IQCJ: variants seen among roughly 807,000 people sequenced by gnomAD.
The protein encoded by IQCJ is IQ motif containing J.
Under a neutral mutation model 11.0 loss-of-function variants are expected in IQCJ, and 9 were observed. The ratio of observed to expected loss-of-function variants is 0.82; its 90% confidence interval spans 0.49 to 1.43. IQCJ has a LOEUF of 1.43. Among genes scored for constraint, IQCJ ranks in the 40% most tolerant of loss-of-function variants. The pLI is 0.00. For synonymous variants in IQCJ, 55 were observed against 51.3 expected, an observed-to-expected ratio of 1.07 and a Z score of -0.31; for missense variants, 146 against 133.2, an observed-to-expected ratio of 1.10 and a Z score of -0.47.
At chr3:159,253,198 CTTCT>C (rs1727703759) in intron 3 of IQCJ, among the ~76,000 whole-genome samples, 3 of 151,834 alleles carry the variant, frequency 2.0e-5, no homozygotes, top group East Asian at 1.9e-4. Flanking sequence ...TAAAAATCCT[CTTCT>C]TTCTATTTCA....
chr3:159,180,797 T>C (rs1723050792), intron 1 of IQCJ, among the ~76,000 whole-genome samples: 1 of 152,028 alleles, frequency 6.6e-6, no homozygotes, highest in African/African-American at 2.4e-5. Context: ...CTATCTGATA[T>C]AGCCACATTA....
chr3:159,121,739 C>G (rs1445796035), intron 1 of IQCJ, among the ~76,000 whole-genome samples: 1 of 152,140 alleles, frequency 6.6e-6, no homozygotes, highest in African/African-American at 2.4e-5. Context: ...TGAGAGCTAG[C>G]ATTTAAAGCT....
chr3:159,262,567 G>C lies in IQCJ; in HGVS notation c.175G>C (p.Glu59Gln), dbSNP rs1728274669. Residue 59 changes from glutamate (E) to glutamine (Q), a missense_variant, in exon 4 of 4, where the codon GAG (glutamate) becomes CAG (glutamine). Glu to Gln is a conservative substitution (Grantham distance 29). Coordinates refer to ENST00000397832, the MANE Select transcript of IQCJ (RefSeq NM_001042706.3). ...KVKIIQRAWR[E>Q]YLQRQEPLGK... Reference sequence around the variant, plus strand: ...TTTCAGCATTCAGCGAGCATGGCGAGAGTACCTGCAGCGGCAGGAGCCCCT... The same window carrying C: ...TTTCAGCATTCAGCGAGCATGGCGACAGTACCTGCAGCGGCAGGAGCCCCT... 2 of 1,613,672 alleles carry C rather than the reference G, an allele frequency of 1.2e-6. No homozygotes were observed. The highest frequency in any genetic ancestry group is 1.7e-6 in the Non-Finnish European group (2 of 1,179,702).
chr3:159,117,319 G>A (rs919618376), intron 1 of IQCJ, among the ~76,000 whole-genome samples: 5 of 152,158 alleles, frequency 3.3e-5, no homozygotes, highest in African/African-American at 7.2e-5. Context: ...GCAACTACTA[G>A]TTGTGATGGT....
At chr3:159,234,463 T>A (rs948462237) in intron 1 of IQCJ, among the ~76,000 whole-genome samples, 3 of 152,136 alleles carry the variant, frequency 2.0e-5, no homozygotes, top group African/African-American at 7.2e-5. Flanking sequence ...TCCCGAAGAT[T>A]GTTTTTGTTT....
chr3:159,077,207 C>T (rs1715982700), intron 1 of IQCJ, among the ~76,000 whole-genome samples: 2 of 152,068 alleles, frequency 1.3e-5, no homozygotes. Flanking sequence ...TCATCTATAC[C>T]CATTGTTGGC....
intron 1 of IQCJ, among the ~76,000 whole-genome samples, chr3:159,201,750 T>G (rs918896389): frequency 6.8e-6 from 1 of 146,456 alleles, no homozygotes; most frequent in Admixed American, 7.0e-5. Context: ...TTCACCTGCC[T>G]CATTCACCTG....
At chr3:159,205,044 G>C (rs144242702) in intron 1 of IQCJ, among the ~76,000 whole-genome samples, 3 of 152,160 alleles carry the variant, frequency 2.0e-5, no homozygotes, top group South Asian at 4.1e-4. Context: ...CCAGCAGCAA[G>C]TAGTTCTGCA....
chr3:159,250,599 G>A (rs565578239), intron 2 of IQCJ, among the ~76,000 whole-genome samples: 2 of 152,310 alleles, frequency 1.3e-5, no homozygotes, highest in South Asian at 4.1e-4. Context: ...TCTTCACAGG[G>A]CAGCAGGAGA....
At chr3:159,210,804 G>A (rs1267157112) in intron 1 of IQCJ, among the ~76,000 whole-genome samples, 1 of 152,048 alleles carries the variant, frequency 6.6e-6, no homozygotes, top group Admixed American at 6.5e-5. Context: ...CTGAGTAGCT[G>A]GATTACAGGC....
chr3:159,112,127 ACAGCC>A (rs1718671226), intron 1 of IQCJ, among the ~76,000 whole-genome samples: 1 of 152,176 alleles, frequency 6.6e-6, no homozygotes, highest in African/African-American at 2.4e-5. Context: ...TGATATGAGG[ACAGCC>A]CTTGGGTCTT....
intron 1 of IQCJ, among the ~76,000 whole-genome samples, chr3:159,157,832 T>C (rs1214008784): frequency 2.0e-5 from 3 of 152,228 alleles, no homozygotes; most frequent in Admixed American, 2.0e-4. Flanking sequence ...TGCATGTTAT[T>C]TTCTCATATA....
chr3:159,257,636 C>T (rs1247624857), intron 3 of IQCJ, among the ~76,000 whole-genome samples: 1 of 152,024 alleles, frequency 6.6e-6, no homozygotes, highest in African/African-American at 2.4e-5. Context: ...ATGCAGTGGC[C>T]CCGTATTGAC....
At chr3:159,232,285 C>G (rs1276162751) in intron 1 of IQCJ, among the ~76,000 whole-genome samples, 1 of 152,056 alleles carries the variant, frequency 6.6e-6, no homozygotes, top group Non-Finnish European at 1.5e-5. Context: ...AAATTTCCCT[C>G]TTAACACTGC....
chr3:159,101,551 A>T (rs558952786), intron 1 of IQCJ, among the ~76,000 whole-genome samples: 43 of 152,352 alleles, frequency 2.8e-4, no homozygotes, highest in African/African-American at 9.6e-4. Context: ...GTGTTTCATT[A>T]TAACGGCAAC....
chr3:159,233,932 G>C (rs1726422732), intron 1 of IQCJ, among the ~76,000 whole-genome samples: 1 of 152,204 alleles, frequency 6.6e-6, no homozygotes, highest in Non-Finnish European at 1.5e-5. Flanking sequence ...TCTAAGATCA[G>C]ACAGTAATTA....
At chr3:159,102,040 T>C (rs1040319331) in intron 1 of IQCJ, among the ~76,000 whole-genome samples, 14 of 152,342 alleles carry the variant, frequency 9.2e-5, no homozygotes, top group Admixed American at 1.3e-4. Flanking sequence ...GCAGTCCTTG[T>C]ATTTTCTCTT....
intron 1 of IQCJ, among the ~76,000 whole-genome samples, chr3:159,135,387 A>AAT (rs1720229612): frequency 6.6e-6 from 1 of 152,166 alleles, no homozygotes; most frequent in African/African-American, 2.4e-5. Context: ...TCAAGTAAGA[A>AAT]ATACTGGACT....
chr3:159,082,262 A>G (rs1716364944), intron 1 of IQCJ, among the ~76,000 whole-genome samples: 2 of 152,110 alleles, frequency 1.3e-5, no homozygotes, highest in South Asian at 4.1e-4. Context: ...TCAATAACAA[A>G]TGTATTGAGC....
Sources: gnomAD v4.1 joint callset for allele counts (sites outside exome capture counted in the v4.1 genomes callset) on GRCh38, gnomAD v4.1.1 for gene constraint, MANE v1.5 for transcripts, NCBI Gene and HGNC (gene_info 2026-07-23, HGNC 2026-07-21) for gene names.